The following SPIDR variants were observed in gnomAD, a reference collection of about 807,000 sequenced individuals.
SPIDR encodes DNA repair-scaffolding protein.
Under a neutral mutation model 104.6 loss-of-function variants are expected in SPIDR, and 93 were observed. The observed-to-expected ratio is 0.89, with a 90% CI of 0.75 to 1.06. SPIDR has a LOEUF of 1.06. Ranked by LOEUF, SPIDR falls within the 50% of genes least tolerant of loss-of-function variation. The pLI is 0.00. For synonymous variants in SPIDR, 431 were observed against 416.9 expected, an observed-to-expected ratio of 1.03 and a Z score of -0.41; for missense variants, 1,154 against 1,111.2, an observed-to-expected ratio of 1.04 and a Z score of -0.55.
At position 47,298,682 on chromosome 8, in the gene SPIDR, T is replaced by G. The variant is rs1165872231; in HGVS notation, c.525+4652T>G. On this transcript the variant is annotated intron_variant, in intron 5 of 19. Coordinates refer to ENST00000297423, the MANE Select transcript of SPIDR (RefSeq NM_001080394.4). ...CAGCTTTCTACATATGGCTAGCCAG[T>G]TTTCCCAGCACCATTTGTAAAATAG... 8.5e-5 allele frequency among the ~76,000 whole-genome samples: 13 copies of G among 152,318 alleles called. No homozygotes were observed. The East Asian group carries it at 2.5e-3, about 29-fold the overall frequency.
At chr8:47,654,599 A>G (rs2072354139) in intron 10 of SPIDR, among the ~76,000 whole-genome samples, 1 of 152,230 alleles carries the variant, frequency 6.6e-6, no homozygotes, top group African/African-American at 2.4e-5. Flanking sequence ...ATGCACTCAT[A>G]TAACACTTTG....
chr8:47,350,575 A>G (rs1470955638), intron 5 of SPIDR, among the ~76,000 whole-genome samples: 1 of 151,664 alleles, frequency 6.6e-6, no homozygotes, highest in Non-Finnish European at 1.5e-5. Flanking sequence ...CGGCCTCCCA[A>G]AGTGCTGGGG....
rs2076645867 is a variant in SPIDR, at chr8:47,677,983, C to T, written c.1685+4042C>T. ...CTTTGGGATGCCAAGACGGGCAGATCGCTTGAGCTCAGGAGTTCGAGACCA... is the reference window on the plus strand; with the variant it reads ...CTTTGGGATGCCAAGACGGGCAGATTGCTTGAGCTCAGGAGTTCGAGACCA... On this transcript the variant is annotated intron_variant, in intron 11 of 19. Transcript: ENST00000297423. Among the ~76,000 whole-genome samples the T allele has an allele frequency of 2.6e-5, 4 of 151,186 alleles. No homozygotes were observed. In the South Asian group the frequency reaches 8.3e-4, roughly 32 times the overall value.
At chr8:47,513,321 A>G (rs540546649) in intron 8 of SPIDR, among the ~76,000 whole-genome samples, 1 of 152,366 alleles carries the variant, frequency 6.6e-6, no homozygotes, top group East Asian at 1.9e-4. Flanking sequence ...AAAAATAGAC[A>G]GTAATTGAAA....
chr8:47,602,150 G>T (rs2062379608), intron 10 of SPIDR, among the ~76,000 whole-genome samples: 2 of 152,176 alleles, frequency 1.3e-5, no homozygotes, highest in South Asian at 4.1e-4. Flanking sequence ...CAGATGTGTA[G>T]CCTGGAAGAT....
intron 10 of SPIDR, among the ~76,000 whole-genome samples, chr8:47,626,207 A>C (rs986717687): frequency 3.5e-4 from 53 of 152,206 alleles, no homozygotes; most frequent in Middle Eastern, 3.4e-3. Context: ...GAAACTGGAT[A>C]CCTTCCTTAC....
chr8:47,552,430 A>G (rs1444603986), intron 8 of SPIDR, among the ~76,000 whole-genome samples: 1 of 152,154 alleles, frequency 6.6e-6, no homozygotes, highest in Non-Finnish European at 1.5e-5. Context: ...GTCTCTAAGT[A>G]CTTCCTTTAT....
At chr8:47,281,609 G>A (rs2037793832) in intron 2 of SPIDR, among the ~76,000 whole-genome samples, 1 of 152,136 alleles carries the variant, frequency 6.6e-6, no homozygotes, top group Non-Finnish European at 1.5e-5. Flanking sequence ...TCAACTCGTA[G>A]GAAATTGCAG....
At chr8:47,388,288 T>C (rs2060185272) in intron 5 of SPIDR, 1 of 153,184 alleles carries the variant, frequency 6.5e-6, no homozygotes, top group African/African-American at 2.4e-5. Context: ...CATAATACCT[T>C]GTACATGGTG....
rs1236947176 is a variant in SPIDR, at chr8:47,735,485, G to A, written c.*35G>A. 6.2e-7 allele frequency: 1 copy of A among 1,613,990 alleles called. No individual in the cohort carries two copies. The highest frequency in any genetic ancestry group is 1.3e-5 in the African/African-American group (1 of 74,918). On this transcript the variant is annotated 3_prime_UTR_variant, in exon 20 of 20. Transcript: ENST00000297423. ...CAGGATCTGTGAACTTTGCAATGTG[G>A]CTGCAAGGGTGGTGGTGGTGGTGGT...
chr8:47,668,868 T>C (rs767641596), intron 10 of SPIDR, among the ~76,000 whole-genome samples: 12 of 152,102 alleles, frequency 7.9e-5, no homozygotes, highest in Non-Finnish European at 1.3e-4. Flanking sequence ...ATAGACAGTC[T>C]AGGCGTAGAT....
chr8:47,506,505 A>G (rs2081507403), intron 8 of SPIDR, among the ~76,000 whole-genome samples: 1 of 152,122 alleles, frequency 6.6e-6, no homozygotes, highest in Non-Finnish European at 1.5e-5. Context: ...TAACCTATAG[A>G]ATGAATTGCA....
chr8:47,541,505 C>T (rs2088129196), intron 8 of SPIDR, among the ~76,000 whole-genome samples: 2 of 152,228 alleles, frequency 1.3e-5, no homozygotes, highest in South Asian at 4.1e-4. Flanking sequence ...ATGCTAGCAA[C>T]ACTCAGAATT....
chr8:47,406,285 G>A (rs2062747070), intron 6 of SPIDR, among the ~76,000 whole-genome samples: 1 of 152,144 alleles, frequency 6.6e-6, no homozygotes, highest in African/African-American at 2.4e-5. Context: ...AGACTGCCTA[G>A]GCGTGCATCC....
chr8:47,329,019 G>T (rs1479830279), intron 5 of SPIDR, among the ~76,000 whole-genome samples: 1 of 151,642 alleles, frequency 6.6e-6, no homozygotes, highest in East Asian at 1.9e-4. Flanking sequence ...CAATTCTCGT[G>T]CCTCAGTCTC....
At chr8:47,528,174 A>G (rs1456000720) in intron 8 of SPIDR, 1 of 152,206 alleles carries the variant, frequency 6.6e-6, no homozygotes, top group Non-Finnish European at 1.5e-5. Flanking sequence ...TTTTTTCTAT[A>G]TAGCTGTTCA....
At position 47,476,656 on chromosome 8, in the gene SPIDR, G is replaced by A. The variant is rs573445994; in HGVS notation, c.1097+36114G>A. Among the ~76,000 whole-genome samples, 4 of 151,444 alleles carry A rather than the reference G, an allele frequency of 2.6e-5. No homozygotes were observed. In the East Asian group the frequency reaches 7.8e-4, roughly 30 times the overall value. The stretch of plus-strand genomic sequence containing the variant: ...CCTTCTGATTCTTCACCGAACTAAG[G>A]GTGTGTCTAAGTCACCAGTTCTCAT... On this transcript the variant is annotated intron_variant, in intron 8 of 19. Transcript: ENST00000297423.
chr8:47,715,950 CCTCT>C (rs2082519528), intron 16 of SPIDR, among the ~76,000 whole-genome samples: 1 of 151,320 alleles, frequency 6.6e-6, no homozygotes, highest in Non-Finnish European at 1.5e-5. Flanking sequence ...GGGGTTTGTG[CCTCT>C]CTCTTTTTTC....
intron 10 of SPIDR, among the ~76,000 whole-genome samples, chr8:47,638,498 A>G (rs527993409): frequency 6.6e-6 from 1 of 152,290 alleles, no homozygotes; most frequent in Non-Finnish European, 1.5e-5. Flanking sequence ...ATGGCCAGAT[A>G]GAGGCTTTAG....
Sources: allele counts gnomAD v4.1 joint callset (sites outside exome capture counted in the v4.1 genomes callset), GRCh38; gene constraint gnomAD v4.1.1; transcripts MANE v1.5; gene names NCBI Gene and HGNC (gene_info 2026-07-23, HGNC 2026-07-21).